The following DUOXA1 variants were observed in gnomAD, a reference collection of about 807,000 sequenced individuals.
DUOXA1 encodes the protein dual oxidase maturation factor 1.
A neutral mutation model predicts 26.6 loss-of-function variants in DUOXA1; 19 were observed. The ratio of observed to expected loss-of-function variants is 0.71; its 90% CI spans 0.50 to 1.05. The LOEUF is 1.05. Ranked by LOEUF, DUOXA1 falls within the 50% of genes least tolerant of loss-of-function variation. The pLI, the probability that DUOXA1 is intolerant of heterozygous loss-of-function variation, is 0.00. For missense variants in DUOXA1, 403 were observed against 427.5 expected (o/e 0.94, Z 0.51); for synonymous variants, 166 against 177.0 (o/e 0.94, Z 0.49).
In DUOXA1 at chr15:45,118,237, G is replaced by A; in HGVS notation, c.*869C>T. The A allele has an allele frequency of 7.1e-7, 1 of 1,406,746 alleles. No individual in the cohort carries two copies. The highest frequency in any genetic ancestry group is 9.2e-7 in the Non-Finnish European group (1 of 1,087,294). 87.1% of individuals were successfully genotyped at this position (1,406,746 alleles called of 1,614,324 possible). A position where few individuals can be genotyped will look rare whatever the true frequency, so the allele number is the denominator to read the frequency against. On this transcript the variant is annotated 3_prime_UTR_variant, in exon 9 of 9. Transcript: ENST00000560572. ...AACCTGATTCTCTGCGTCGACTCCA[G>A]AGTAATAGGGGCGCCCTCTAGTGAG...
At position 45,118,499 on chromosome 15, in the gene DUOXA1, C is replaced by T; in HGVS notation, c.*607G>A. 1.0e-6 allele frequency: 1 copy of T among 997,820 alleles called. No individual in the cohort carries two copies. The highest frequency in any genetic ancestry group is 1.2e-6 in the Non-Finnish European group (1 of 838,536). 61.8% of individuals were successfully genotyped at this position (997,820 alleles called of 1,614,324 possible). A position where few individuals can be genotyped will look rare whatever the true frequency, so the allele number is the denominator to read the frequency against. ...TCAGCAAGGCATAGAAAGATAAATC[C>T]CAAGATTCTTGGCAAGTCTTGCAAT... On this transcript the variant is annotated 3_prime_UTR_variant, in exon 9 of 9. Transcript: ENST00000560572.
Position 45,120,795 on chromosome 15 carries a change from C to T in DUOXA1, c.351G>A (p.Val117=). ...AATTGATGGTCTCATTCAGCTGCTG[C>T]ACGGGGGTCCCTAGGGCACAAGGCA... The part of the protein sequence containing the change: ...GVNITLTGTP[V]QQLNETINYN... Residue 117 remains valine, a synonymous_variant, in exon 7 of 9, where the codon GTG becomes GTA. Coordinates refer to ENST00000560572, the MANE Select transcript of DUOXA1 (RefSeq NM_001276266.2). The T allele has an allele frequency of 6.2e-7, 1 of 1,614,078 alleles. No individual in the cohort carries two copies. Among genetic ancestry groups the T allele is most frequent in the South Asian group, 1.1e-5 (1 of 91,084 alleles).
intron 3 of DUOXA1, among the ~76,000 whole-genome samples, chr15:45,125,617 C>T (rs533188015): frequency 2.3e-4 from 35 of 152,306 alleles, no homozygotes; most frequent in African/African-American, 8.4e-4. Flanking sequence ...TTTCATGCTT[C>T]TTGACCTCTC....
At chr15:45,123,075 C>T in intron 3 of DUOXA1, 32 bp from the exon 4 acceptor site, 1 of 1,530,646 alleles carries the variant, frequency 6.5e-7, no homozygotes, top group Non-Finnish European at 8.8e-7. Context: ...TTATTGCATG[C>T]CCTCAATGTA....
intron 3 of DUOXA1, among the ~76,000 whole-genome samples, chr15:45,124,487 T>C (rs1566996279): frequency 6.6e-6 from 1 of 152,178 alleles, no homozygotes; most frequent in Admixed American, 6.5e-5. Flanking sequence ...AAATTTTTTA[T>C]TAAGTTCTTA....
chr15:45,128,336 A>G (rs1469090436), intron 3 of DUOXA1, among the ~76,000 whole-genome samples: 1 of 151,660 alleles, frequency 6.6e-6, no homozygotes, highest in Non-Finnish European at 1.5e-5. Context: ...CCCCTTGCCC[A>G]CCTCCCCCAT....
chr15:45,123,287 A>T (rs1262484976), intron 3 of DUOXA1, among the ~76,000 whole-genome samples: 1 of 151,918 alleles, frequency 6.6e-6, no homozygotes, highest in Non-Finnish European at 1.5e-5. Flanking sequence ...CTCCTCTCTT[A>T]ACCTCCAGGT....
In DUOXA1 at chr15:45,117,868, G is replaced by C; in HGVS notation, c.*1238C>G. ...CCTCGGCGACCCACTGCACAAGCAGGCCGCTCTCCCAGACTTAAAATGTAT... is the reference window on the plus strand; with the variant it reads ...CCTCGGCGACCCACTGCACAAGCAGCCCGCTCTCCCAGACTTAAAATGTAT... On this transcript the variant is annotated 3_prime_UTR_variant, in exon 9 of 9. Coordinates refer to ENST00000560572, the MANE Select transcript of DUOXA1 (RefSeq NM_001276266.2). 6.2e-7 allele frequency: 1 copy of C among 1,613,662 alleles called. No individual in the cohort carries two copies. The highest frequency in any genetic ancestry group is 8.5e-7 in the Non-Finnish European group (1 of 1,180,034).
chr15:45,118,858 C>A lies in DUOXA1; in HGVS notation c.*248G>T. The A allele has an allele frequency of 8.2e-7, 1 of 1,221,690 alleles. No homozygotes were observed. 75.7% of individuals were successfully genotyped at this position (1,221,690 alleles called of 1,614,324 possible). Reference sequence around the variant, plus strand: ...TGGGTTGCTGTGCAGATAAGCTAGCCCCTGCTTGGCCTTATCATGGCAACA... The same window carrying A: ...TGGGTTGCTGTGCAGATAAGCTAGCACCTGCTTGGCCTTATCATGGCAACA... On this transcript the variant is annotated 3_prime_UTR_variant, in exon 9 of 9. Transcript: ENST00000560572.
In DUOXA1 at chr15:45,118,573, T is replaced by G; in HGVS notation, c.*533A>C. 8 of 991,284 alleles carry G rather than the reference T, an allele frequency of 8.1e-6. No homozygotes were observed. Among genetic ancestry groups the G allele is most frequent in the Non-Finnish European group, 9.6e-6 (8 of 834,146 alleles). The allele number at this position is 991,284 out of a possible 1,614,324, so 61.4% of individuals were successfully genotyped here. A position where few individuals can be genotyped will look rare whatever the true frequency, so the allele number is the denominator to read the frequency against. On this transcript the variant is annotated 3_prime_UTR_variant, in exon 9 of 9. Transcript: ENST00000560572. ...GAAGCTCAAAGAGAATGTGGCATAG[T>G]TGGTTAATGTTAGACCTAGGATGAG...
At chr15:45,126,045 C>T in intron 3 of DUOXA1, among the ~76,000 whole-genome samples, 1 of 152,182 alleles carries the variant, frequency 6.6e-6, no homozygotes, top group South Asian at 2.1e-4. Context: ...GCAACATCAC[C>T]ACTGGTCAAT....
chr15:45,124,031 A>G (rs920068391), intron 3 of DUOXA1, among the ~76,000 whole-genome samples: 4 of 143,226 alleles, frequency 2.8e-5, no homozygotes, highest in Admixed American at 1.3e-4. Flanking sequence ...AATTTCAGAG[A>G]TGTCAGAATG....
At position 45,120,606 on chromosome 15, in the gene DUOXA1, G is replaced by T. The variant is rs777321207; in HGVS notation, c.540C>A (p.Thr180=). The part of the protein sequence containing the change: ...YRQYRLAGHY[T]SAMLWVAFLC... ...CCCATCCTCACCATAGCATGGCTGA[G>T]GTGTAGTGTCCCGCCAGGCGGTACT... Residue 180 remains threonine (T), a synonymous_variant, in exon 7 of 9, where the codon ACC becomes ACA. Transcript: ENST00000560572. 3.1e-6 allele frequency: 5 copies of T among 1,614,030 alleles called. No homozygotes were observed. Among genetic ancestry groups the T allele is most frequent in the Non-Finnish European group, 4.2e-6 (5 of 1,180,022 alleles).
Position 45,117,878 on chromosome 15 carries a change from C to A in DUOXA1, c.*1228G>T, listed in dbSNP as rs1894775552. ...CCACTGCACAAGCAGGCCGCTCTCC[C>A]AGACTTAAAATGTATCACCACTAAC... On this transcript the variant is annotated 3_prime_UTR_variant, in exon 9 of 9. Transcript: ENST00000560572. 6.2e-7 allele frequency: 1 copy of A among 1,613,442 alleles called. No homozygotes were observed. The highest frequency in any genetic ancestry group is 1.1e-5 in the South Asian group (1 of 91,086).
At chr15:45,119,795 G>A (rs1172570823) in intron 8 of DUOXA1, among the ~76,000 whole-genome samples, 2 of 152,030 alleles carry the variant, frequency 1.3e-5, no homozygotes, top group African/African-American at 4.8e-5. Context: ...GGGACCCAGA[G>A]AAGGGTATTT....
At chr15:45,128,207 G>C (rs970904786) in intron 3 of DUOXA1, among the ~76,000 whole-genome samples, 3 of 152,182 alleles carry the variant, frequency 2.0e-5, no homozygotes, top group Admixed American at 2.0e-4. Context: ...AAAACATAAA[G>C]TTACAATCTT....
At chr15:45,123,517 G>A (rs1895423450) in intron 3 of DUOXA1, among the ~76,000 whole-genome samples, 1 of 152,220 alleles carries the variant, frequency 6.6e-6, no homozygotes, top group African/African-American at 2.4e-5. Flanking sequence ...CAAAGGCCAG[G>A]CAGCTCTCTG....
At chr15:45,122,355 A>G (rs1895299130) in intron 4 of DUOXA1, 113 bp from the exon 5 acceptor site, 5 of 1,006,160 alleles carry the variant, frequency 5.0e-6, no homozygotes, top group Middle Eastern at 2.0e-4. Flanking sequence ...TCACTTGGTC[A>G]ATTGAAATCA....
chr15:45,121,561 C>T (rs1258394670), intron 5 of DUOXA1, among the ~76,000 whole-genome samples: 2 of 152,254 alleles, frequency 1.3e-5, no homozygotes, highest in Non-Finnish European at 2.9e-5. Flanking sequence ...GTCTCCCAGG[C>T]TGGAGTGCAG....
Sources: allele counts gnomAD v4.1 joint callset (sites outside exome capture counted in the v4.1 genomes callset), GRCh38; gene constraint gnomAD v4.1.1; transcripts MANE v1.5; gene names NCBI Gene and HGNC (gene_info 2026-07-23, HGNC 2026-07-21).